The following NCOR2 variants were observed in gnomAD, a reference collection of about 807,000 sequenced individuals.
NCOR2 encodes nuclear receptor corepressor 2.
NCOR2 carries 81 observed loss-of-function variants against 262.9 expected under a neutral mutation model. The ratio of observed to expected loss-of-function variants is 0.31; its 90% CI spans 0.26 to 0.37. The LOEUF is 0.37. Ranked by LOEUF, NCOR2 falls within the 10% of genes least tolerant of loss-of-function variation. The probability of loss-of-function intolerance (pLI) is 1.00; values close to 1 mark genes in which losing one functional copy is unlikely to be tolerated. For missense variants in NCOR2, 3,385 were observed against 3,621.4 expected (o/e 0.93, Z 1.68); for synonymous variants, 1,659 against 1,559.3 (o/e 1.06, Z -1.51).
intron 16 of NCOR2, 125 bp downstream of exon 18, chr12:124,397,994 C>G (rs1366963247): frequency 9.0e-7 from 1 of 1,112,144 alleles, no homozygotes; most frequent in African/African-American, 1.5e-5. Context: ...GAACCAGAAC[C>G]TCACCAGAGG....
At chr12:124,385,567 G>A (rs538705314) in intron 17 of NCOR2, among the ~76,000 whole-genome samples, 178 bp downstream of exon 19, 8 of 152,262 alleles carry the variant, frequency 5.3e-5, no homozygotes, top group East Asian at 3.9e-4. Flanking sequence ...CAGCATTGCC[G>A]CCTGCAGCCA....
rs2037240367 is a variant in NCOR2, at chr12:124,349,450, G to A, written c.3845-1136C>T. ...GGTACTAGGTTGCTGTTCAGAAAAC[G>A]TTCCAAATTAATCGCCGATGTTTAA... On this transcript the variant is annotated intron_variant, in intron 28 of 46. Coordinates refer to ENST00000405201, the Ensembl canonical transcript of NCOR2. Among the ~76,000 whole-genome samples, 3 of 152,144 alleles carry A rather than the reference G, an allele frequency of 2.0e-5. No individual in the cohort carries two copies. The South Asian group carries it at 6.2e-4, about 31-fold the overall frequency.
rs75992429 is a variant in NCOR2 at position 124,434,867 on chromosome 12, G to T, written c.882+3063C>A. ...CAAATACAAGGCAATGGTAACCGTG[G>T]CTGATTCTAGGTGGTGGGTATATAG... On this transcript the variant is annotated intron_variant, in intron 8 of 46. Transcript: ENST00000405201. 3.0e-3 allele frequency among the ~76,000 whole-genome samples: 461 copies of T among 152,280 alleles called. 6 individuals are homozygous for T. The East Asian group carries it at 0.037, about 12-fold the overall frequency.
At chr12:124,348,450 G>T in intron 28 of NCOR2, 136 bp from the exon 31 acceptor site, 1 of 1,195,184 alleles carries the variant, frequency 8.4e-7, no homozygotes, top group Non-Finnish European at 1.1e-6. Flanking sequence ...CCTCACAGCC[G>T]AGGCCTCCAG....
chr12:124,446,144 A>G (rs2045153887), intron 7 of NCOR2, among the ~76,000 whole-genome samples: 1 of 152,188 alleles, frequency 6.6e-6, no homozygotes, highest in Non-Finnish European at 1.5e-5. Context: ...TGCAGGGTGC[A>G]GAGGCTGCCA....
intron 33 of NCOR2, among the ~76,000 whole-genome samples, 172 bp from the exon 36 acceptor site, chr12:124,342,246 G>T (rs1219158350): frequency 6.6e-6 from 1 of 152,178 alleles, no homozygotes; most frequent in Non-Finnish European, 1.5e-5. Flanking sequence ...AAAACATCAC[G>T]CCAGGACACA....
At chr12:124,445,505 C>T (rs2045102342) in intron 7 of NCOR2, among the ~76,000 whole-genome samples, 1 of 152,194 alleles carries the variant, frequency 6.6e-6, no homozygotes, top group African/African-American at 2.4e-5. Flanking sequence ...CACTCCGCGG[C>T]CCCAGCATGC....
At chr12:124,379,946 C>T (rs898865525) in intron 17 of NCOR2, among the ~76,000 whole-genome samples, 5 of 152,242 alleles carry the variant, frequency 3.3e-5, no homozygotes, top group African/African-American at 9.6e-5. Flanking sequence ...GGAAGAGGCT[C>T]CCCTGCAGCC....
rs1456791047 is a variant in NCOR2 at position 124,333,927 on chromosome 12, TGC to T, written c.6605+495_6605+496del. Among the ~76,000 whole-genome samples the T allele has an allele frequency of 2.5e-3, 310 of 124,460 alleles. 2 individuals are homozygous for T. Among genetic ancestry groups the T allele is most frequent in the African/African-American group, 9.0e-3 (276 of 30,806 alleles). The allele number at this position is 124,460 out of a possible 152,430, so 81.7% of individuals were successfully genotyped here. A position where few individuals can be genotyped will look rare whatever the true frequency, so the allele number is the denominator to read the frequency against. On this transcript the variant is annotated intron_variant, in intron 41 of 46. Coordinates refer to ENST00000405201, the Ensembl canonical transcript of NCOR2. ...GCATGTGTGCGGGTGTGCATGTGTG[TGC>T]GCGCGCATGTGTGTGGGTGTGCACG...
rs1198048576 is a variant in NCOR2, at chr12:124,531,581, C to CT, written c.-118+3983dup. ...CCCCGCCCAGGGCTGAGCATCCAGG[C>CT]TGGGAAGGAGAGAGAGGAGGATGGC... On this transcript the variant is annotated intron_variant, in intron 1 of 46. Coordinates refer to the NCOR2 transcript ENST00000404621. This position sits in a 1 kb window ranked among gnomAD's most constrained non-coding sequence, Gnocchi z 4.5. Among the ~76,000 whole-genome samples the CT allele has an allele frequency of 6.6e-6, 1 of 152,024 alleles. No individual in the cohort carries two copies. Among genetic ancestry groups the CT allele is most frequent in the Non-Finnish European group, 1.5e-5 (1 of 67,984 alleles).
intron 13 of NCOR2, among the ~76,000 whole-genome samples, chr12:124,417,296 C>T (rs1351786029): frequency 2.0e-5 from 3 of 152,286 alleles, no homozygotes; most frequent in African/African-American, 4.8e-5. Context: ...AAGAGCAAGC[C>T]GGACACTCAC....
chr12:124,335,002 C>A (rs1324954911), intron 40 of NCOR2, 133 bp downstream of exon 42: 5 of 1,354,156 alleles, frequency 3.7e-6, no homozygotes, highest in African/African-American at 1.4e-5. Context: ...GCCCTGGATC[C>A]CCCCAGCGCC....
exon 31 of NCOR2, chr12:124,346,746 G>T: frequency 6.4e-7 from 1 of 1,559,130 alleles, no homozygotes; most frequent in Non-Finnish European, 8.7e-7. Flanking sequence ...GCCTCGGTCA[G>T]GTCCCGTGAG....
chr12:124,341,460 A>T (rs2036452679), intron 34 of NCOR2, among the ~76,000 whole-genome samples: 1 of 152,040 alleles, frequency 6.6e-6, no homozygotes, highest in Admixed American at 6.5e-5. Context: ...ACTGGTCTCG[A>T]ACTTCTGACC....
intron 1 of NCOR2, among the ~76,000 whole-genome samples, chr12:124,562,805 G>C (rs993448682): frequency 4.6e-5 from 7 of 152,194 alleles, no homozygotes; most frequent in Admixed American, 1.3e-4. Flanking sequence ...TATCCGAGCA[G>C]CCTGTAGGTG....
intron 18 of NCOR2, among the ~76,000 whole-genome samples, chr12:124,375,595 A>C (rs542386345): frequency 2.0e-5 from 3 of 152,156 alleles, no homozygotes; most frequent in Non-Finnish European, 4.4e-5. Flanking sequence ...AAAAACCACC[A>C]AAAATAAAAA....
At chr12:124,326,330 G>C in exon 46 of NCOR2, 1 of 1,537,764 alleles carries the variant, frequency 6.5e-7, no homozygotes, top group South Asian at 1.2e-5. Flanking sequence ...TGGCTTTTCG[G>C]CTGCTGGGTC....
chr12:124,507,817 GT>G (rs1243430868), intron 1 of NCOR2, among the ~76,000 whole-genome samples: 1 of 152,200 alleles, frequency 6.6e-6, no homozygotes, highest in Admixed American at 6.5e-5. Context: ...CAGACCCCGA[GT>G]GTGAAGGCGG....
rs573183793 is a variant in NCOR2 at position 124,393,543 on chromosome 12, TCATGGGGCCACACTGCCCCTGC to T, written c.1876+4554_1876+4575del. On this transcript the variant is annotated intron_variant, in intron 16 of 46. Coordinates refer to ENST00000405201, the Ensembl canonical transcript of NCOR2. ...CTACCTTCTGGGATTCAACCACTTC[TCATGGGGCCACACTGCCCCTGC>T]CATGGGGCCTTTGCACATGCCTGTC... is the stretch of plus-strand genomic sequence containing the variant. Among the ~76,000 whole-genome samples the T allele has an allele frequency of 2.0e-5, 3 of 152,222 alleles. No homozygotes were observed. In the East Asian group the frequency reaches 5.8e-4, roughly 29 times the overall value.
Sources: gnomAD v4.1 joint callset for allele counts (sites outside exome capture counted in the v4.1 genomes callset) on GRCh38, gnomAD v4.1.1 for gene constraint, Gnocchi (gnomAD v3.1) non-coding constraint, MANE v1.5 for transcripts, NCBI Gene and HGNC (gene_info 2026-07-23, HGNC 2026-07-21) for gene names.